Variants in MCCC1 observed in about 807,000 individuals in gnomAD.
MCCC1 encodes the protein methylcrotonyl-CoA carboxylase subunit 1, also known as methylcrotonoyl-CoA carboxylase subunit alpha, mitochondrial.
In MCCC1, 64 loss-of-function variants were observed where a neutral mutation model predicts 83.8. The observed-to-expected ratio is 0.76, with a 90% confidence interval of 0.62 to 0.94. The LOEUF (loss-of-function observed/expected upper bound fraction) is 0.94. MCCC1 is among the 40% of genes least tolerant of loss of function. MCCC1 has a pLI of 0.00. For synonymous variants in MCCC1, 322 were observed against 315.4 expected, an observed-to-expected ratio of 1.02 and a Z score of -0.22; for missense variants, 807 against 904.7, an observed-to-expected ratio of 0.89 and a Z score of 1.39.
chr3:183,092,552 A>T lies in MCCC1; in HGVS notation c.137-7T>A, dbSNP rs1454051203. On this transcript the variant is annotated splice_region_variant and splice_polypyrimidine_tract_variant and intron_variant, in intron 2 of 18. Transcript: ENST00000265594. The stretch of plus-strand genomic sequence containing the variant: ...ACCTTGGTAATGTTTCTTCCTGTTT[A>T]AAACACCATGAAAATCACACAGAAA... 2 of 1,614,014 alleles carry T rather than the reference A, an allele frequency of 1.2e-6. No homozygotes were observed. Among genetic ancestry groups the T allele is most frequent in the Non-Finnish European group, 1.7e-6 (2 of 1,180,008 alleles).
At chr3:183,055,534 C>A (rs758697102) in intron 8 of MCCC1, among the ~76,000 whole-genome samples, 1 of 152,176 alleles carries the variant, frequency 6.6e-6, no homozygotes, top group Admixed American at 6.5e-5. Context: ...AGATATTACT[C>A]AGCATAATTA....
chr3:183,055,385 G>T (rs999855009), intron 8 of MCCC1, among the ~76,000 whole-genome samples: 9 of 152,110 alleles, frequency 5.9e-5, no homozygotes, highest in Admixed American at 5.9e-4. Context: ...ACTCCGGCCT[G>T]GGTGACAGAG....
At chr3:183,097,873 C>G (rs1718854583) in intron 1 of MCCC1, among the ~76,000 whole-genome samples, 1 of 152,088 alleles carries the variant, frequency 6.6e-6, no homozygotes, top group South Asian at 2.1e-4. Flanking sequence ...ACCAGAAGAA[C>G]AAGAAGAACA....
chr3:183,076,930 CTG>C (rs1717117919), intron 4 of MCCC1, among the ~76,000 whole-genome samples: 1 of 152,196 alleles, frequency 6.6e-6, no homozygotes, highest in Admixed American at 6.5e-5. Context: ...TGTGAATCTA[CTG>C]TCTCTATAGA....
At chr3:183,091,756 G>T (rs960911884) in intron 3 of MCCC1, among the ~76,000 whole-genome samples, 5 of 151,980 alleles carry the variant, frequency 3.3e-5, no homozygotes, top group Admixed American at 1.3e-4. Context: ...AATAGAGCCT[G>T]GATTGGCTAG....
At chr3:183,065,513 T>C (rs1295595698) in intron 7 of MCCC1, among the ~76,000 whole-genome samples, 2 of 152,236 alleles carry the variant, frequency 1.3e-5, no homozygotes, top group East Asian at 1.9e-4. Context: ...CTTTGAGAAA[T>C]TGAAACAATT....
At chr3:183,112,096 G>A (rs915119480) in intron 1 of MCCC1, among the ~76,000 whole-genome samples, 1 of 152,034 alleles carries the variant, frequency 6.6e-6, no homozygotes, top group African/African-American at 2.4e-5. Context: ...GAAAACAAAT[G>A]TATGCCAGCT....
At chr3:183,020,063 T>A in intron 17 of MCCC1, 67 bp downstream of exon 17, 1 of 1,206,358 alleles carries the variant, frequency 8.3e-7, no homozygotes. Flanking sequence ...AGGACATAAA[T>A]GACAAGTTTA....
At chr3:183,038,039 A>T (rs1292547554) in intron 12 of MCCC1, among the ~76,000 whole-genome samples, 1 of 152,204 alleles carries the variant, frequency 6.6e-6, no homozygotes, top group Non-Finnish European at 1.5e-5. Flanking sequence ...CCATTCCTTC[A>T]TTCATTTAAC....
chr3:183,091,748 T>G (rs115962150), intron 3 of MCCC1, among the ~76,000 whole-genome samples: 1 of 151,948 alleles, frequency 6.6e-6, no homozygotes, highest in Non-Finnish European at 1.5e-5. Flanking sequence ...GTGCTAAGAA[T>G]AGAGCCTGGA....
intron 1 of MCCC1, among the ~76,000 whole-genome samples, chr3:183,106,009 A>C (rs1719396390): frequency 7.1e-6 from 1 of 140,186 alleles, no homozygotes; most frequent in South Asian, 2.4e-4. Flanking sequence ...GAATCACTTG[A>C]ACCTGGGAGG....
At chr3:183,088,438 C>A (rs1296868857) in intron 3 of MCCC1, among the ~76,000 whole-genome samples, 1 of 152,124 alleles carries the variant, frequency 6.6e-6, no homozygotes, top group African/African-American at 2.4e-5. Context: ...AACTCCTGAC[C>A]TCAGGTGATC....
intron 14 of MCCC1, among the ~76,000 whole-genome samples, chr3:183,026,371 A>C (rs1260638267): frequency 6.6e-6 from 1 of 152,182 alleles, no homozygotes; most frequent in Non-Finnish European, 1.5e-5. Context: ...AGGTTGTCGA[A>C]TATTTTACGT....
chr3:183,033,618 A>G (rs1713264183), intron 14 of MCCC1, among the ~76,000 whole-genome samples: 1 of 152,278 alleles, frequency 6.6e-6, no homozygotes, highest in Middle Eastern at 3.4e-3. Flanking sequence ...TTTAAAAGTA[A>G]TACATTCTCG....
At chr3:183,030,330 A>G (rs1159203546) in intron 14 of MCCC1, among the ~76,000 whole-genome samples, 1 of 152,100 alleles carries the variant, frequency 6.6e-6, no homozygotes, top group African/African-American at 2.4e-5. Context: ...ACAAAAAACC[A>G]ATACACACAA....
intron 4 of MCCC1, among the ~76,000 whole-genome samples, chr3:183,076,727 A>G (rs774433714): frequency 2.0e-5 from 3 of 152,234 alleles, no homozygotes; most frequent in Non-Finnish European, 4.4e-5. Flanking sequence ...CTTTTTAAAC[A>G]TAGTTGTTGA....
chr3:183,091,428 G>A (rs1718324902), intron 3 of MCCC1, among the ~76,000 whole-genome samples: 2 of 152,036 alleles, frequency 1.3e-5, no homozygotes, highest in Non-Finnish European at 2.9e-5. Flanking sequence ...AAGTAGCCAG[G>A]CGTGGTGGTG....
At chr3:183,084,153 T>C (rs1717717833) in intron 4 of MCCC1, among the ~76,000 whole-genome samples, 1 of 152,242 alleles carries the variant, frequency 6.6e-6, no homozygotes, top group Non-Finnish European at 1.5e-5. Flanking sequence ...TGCCTCAGCC[T>C]TCTGAGTAGC....
At chr3:183,103,285 C>G (rs564452469), upstream of MCCC1, among the ~76,000 whole-genome samples, 1 of 151,980 alleles carries the variant, frequency 6.6e-6, no homozygotes. Context: ...GAAGCAGACC[C>G]GAGCGGGTTG....
Sources: allele counts gnomAD v4.1 joint callset (sites outside exome capture counted in the v4.1 genomes callset), GRCh38; gene constraint gnomAD v4.1.1; transcripts MANE v1.5; gene names NCBI Gene and HGNC (gene_info 2026-07-23, HGNC 2026-07-21).